The following CUL2 variants were observed in gnomAD, a reference collection of about 807,000 sequenced individuals.
CUL2 encodes cullin-2.
In CUL2, 22 loss-of-function variants were observed where a neutral mutation model predicts 110.2. The ratio of observed to expected loss-of-function variants is 0.20; its 90% CI spans 0.14 to 0.28. The LOEUF (loss-of-function observed/expected upper bound fraction) is 0.28, where lower values mean the gene tolerates loss of function less well. Among genes scored for constraint, CUL2 ranks in the 10% least tolerant of loss-of-function variants. CUL2 has a pLI of 1.00. For missense variants in CUL2, 631 were observed against 905.5 expected (o/e 0.70, Z 3.89); for synonymous variants, 279 against 293.2 (o/e 0.95, Z 0.49).
chr10:35,017,875 TA>T (rs1440590339), intron 17 of CUL2, among the ~76,000 whole-genome samples: 225 of 96,700 alleles, frequency 2.3e-3, no homozygotes, highest in Non-Finnish European at 2.8e-3. Flanking sequence ...CATACGTGTT[TA>T]AAAAAAAAAA....
chr10:35,039,079 G>A lies in CUL2; in HGVS notation c.718C>T (p.Leu240=). Residue 240 remains leucine, a synonymous_variant, in exon 9 of 21, where the codon CTA becomes TTA. Coordinates refer to ENST00000374749, the MANE Select transcript of CUL2 (RefSeq NM_003591.4). ...ATTTCTTCATCTTTTAATCTACCTA[G>A]AACCTATAAAAATATTTTCTTACAG... ...SNCSQYMEKV[L]GRLKDEEIRC... The A allele has an allele frequency of 6.4e-7, 1 of 1,559,434 alleles. No individual in the cohort carries two copies.
At chr10:35,079,280 A>G (rs2086891755) in intron 1 of CUL2, among the ~76,000 whole-genome samples, 2 of 152,220 alleles carry the variant, frequency 1.3e-5, no homozygotes, top group African/African-American at 4.8e-5. Context: ...AGACAATACA[A>G]TGCCTATGTA....
At chr10:35,075,138 C>T (rs760291801) in intron 1 of CUL2, among the ~76,000 whole-genome samples, 2 of 152,138 alleles carry the variant, frequency 1.3e-5, no homozygotes, top group African/African-American at 2.4e-5. Flanking sequence ...AATACAGTTA[C>T]AATCCATGCT....
chr10:35,016,456 T>A, intron 17 of CUL2, 62 bp from the exon 18 acceptor site: 2 of 1,278,490 alleles, frequency 1.6e-6, no homozygotes, highest in Non-Finnish European at 2.2e-6. Flanking sequence ...CAAATTTACT[T>A]TATTTCAGAC....
At chr10:35,010,767 A>G (rs2084879779) in intron 20 of CUL2, among the ~76,000 whole-genome samples, 1 of 152,214 alleles carries the variant, frequency 6.6e-6, no homozygotes, top group Non-Finnish European at 1.5e-5. Context: ...ATTTAAATAC[A>G]TTCTCATAGT....
chr10:35,107,684 C>T (rs2087477715), intron 1 of CUL2, among the ~76,000 whole-genome samples: 1 of 151,306 alleles, frequency 6.6e-6, no homozygotes, highest in Admixed American at 6.6e-5. Flanking sequence ...AGATGGAGAC[C>T]ATCCTGGCTA....
At chr10:35,077,343 C>G (rs1041662239) in intron 1 of CUL2, among the ~76,000 whole-genome samples, 2 of 140,340 alleles carry the variant, frequency 1.4e-5, no homozygotes, top group Non-Finnish European at 3.1e-5. Context: ...AAAAAACAAA[C>G]AAAAATTAGC....
upstream of CUL2, among the ~76,000 whole-genome samples, chr10:35,090,921 C>T (rs968253948): frequency 6.6e-6 from 1 of 152,228 alleles, no homozygotes; most frequent in Non-Finnish European, 1.5e-5. Context: ...CACACACTTC[C>T]ATGGGCTTTG....
chr10:35,089,038 G>T (rs1187138344), intron 1 of CUL2, among the ~76,000 whole-genome samples: 1 of 152,174 alleles, frequency 6.6e-6, no homozygotes, highest in Non-Finnish European at 1.5e-5. Context: ...AGCCGGGCAT[G>T]GTGGCGCATG....
chr10:35,086,536 C>G (rs2087069451), intron 1 of CUL2, among the ~76,000 whole-genome samples: 1 of 152,130 alleles, frequency 6.6e-6, no homozygotes, highest in Non-Finnish European at 1.5e-5. Flanking sequence ...ATCCACCCAC[C>G]TCAACCTCCC....
chr10:35,044,211 A>G (rs2085876986), intron 8 of CUL2, among the ~76,000 whole-genome samples: 1 of 152,174 alleles, frequency 6.6e-6, no homozygotes, highest in Admixed American at 6.5e-5. Flanking sequence ...ACCTCAACAC[A>G]GAGCTTCTGC....
rs1482039430 is a variant in CUL2 at position 35,123,805 on chromosome 10, G to A, written c.-51+2800C>T. ...TGTAAGTGAGAACTGTCAGGTGTTT[G>A]GAAATGTGACCTGGTGCTAATGAAT... On this transcript the variant is annotated intron_variant, in intron 1 of 5. Transcript: ENST00000685421. Among the ~76,000 whole-genome samples the A allele has an allele frequency of 2.0e-5, 3 of 152,218 alleles. No homozygotes were observed. The East Asian group carries it at 5.8e-4, about 29-fold the overall frequency.
At chr10:35,103,164 A>G (rs2087406101) in intron 1 of CUL2, among the ~76,000 whole-genome samples, 2 of 151,946 alleles carry the variant, frequency 1.3e-5, no homozygotes, top group Non-Finnish European at 2.9e-5. Context: ...TGTTTTTGAG[A>G]CAGAGTCTTG....
At chr10:35,113,155 C>G (rs1225217775) in intron 1 of CUL2, among the ~76,000 whole-genome samples, 1 of 135,714 alleles carries the variant, frequency 7.4e-6, no homozygotes, top group Non-Finnish European at 1.5e-5. Context: ...TGCACTCAAG[C>G]CTGGAGACAG....
chr10:35,063,405 T>A (rs2086434428), intron 2 of CUL2, among the ~76,000 whole-genome samples: 1 of 152,144 alleles, frequency 6.6e-6, no homozygotes, highest in African/African-American at 2.4e-5. Flanking sequence ...TGGATATTAG[T>A]ATCAATAGTA....
At chr10:35,036,912 T>G (rs2085635927) in intron 9 of CUL2, among the ~76,000 whole-genome samples, 1 of 152,164 alleles carries the variant, frequency 6.6e-6, no homozygotes. Context: ...GCTTGTATTT[T>G]TTTGCAGAGA....
intron 1 of CUL2, among the ~76,000 whole-genome samples, chr10:35,073,767 G>C (rs1400848772): frequency 2.6e-5 from 4 of 151,922 alleles, no homozygotes; most frequent in African/African-American, 9.7e-5. Flanking sequence ...ACCACACCCG[G>C]CTAATTTTTT....
chr10:35,108,288 C>T (rs961271048), intron 1 of CUL2, among the ~76,000 whole-genome samples: 4 of 151,622 alleles, frequency 2.6e-5, no homozygotes, highest in Non-Finnish European at 4.4e-5. Flanking sequence ...GATCCTGTCT[C>T]TTCAAAAAAA....
intron 1 of CUL2, among the ~76,000 whole-genome samples, chr10:35,087,990 A>C (rs1018569994): frequency 6.6e-6 from 1 of 152,188 alleles, no homozygotes; most frequent in Non-Finnish European, 1.5e-5. Flanking sequence ...ATAGCACCTC[A>C]GGGTTTTTCC....
Sources: allele counts gnomAD v4.1 joint callset (sites outside exome capture counted in the v4.1 genomes callset), GRCh38; gene constraint gnomAD v4.1.1; transcripts MANE v1.5; gene names NCBI Gene and HGNC (gene_info 2026-07-23, HGNC 2026-07-21).